OR9Q1: variants seen among roughly 807,000 people sequenced by gnomAD.
OR9Q1 encodes the protein olfactory receptor 9Q1.
For synonymous variants in OR9Q1, 153 were observed against 148.6 expected, an observed-to-expected ratio of 1.03 and a Z score of -0.22; for missense variants, 374 against 378.8, an observed-to-expected ratio of 0.99 and a Z score of 0.11.
At chr11:58,120,802 C>CTATATATATA (rs1216448405) in intron 2 of OR9Q1, among the ~76,000 whole-genome samples, 1 of 72,950 alleles carries the variant, frequency 1.4e-5, no homozygotes, top group Non-Finnish European at 2.6e-5. Flanking sequence ...TATTTCAATA[C>CTATATATATA]CATATATATA....
chr11:58,160,435 ATATT>A (rs1565093581), intron 2 of OR9Q1, among the ~76,000 whole-genome samples: 2 of 121,510 alleles, frequency 1.6e-5, no homozygotes, highest in East Asian at 5.4e-4. Flanking sequence ...AATGAGTAGA[ATATT>A]TGTTGTTGTT....
chr11:58,025,510 T>A (rs1852964632), intron 1 of OR9Q1, among the ~76,000 whole-genome samples: 1 of 152,196 alleles, frequency 6.6e-6, no homozygotes, highest in Non-Finnish European at 1.5e-5. Context: ...CCTTTCTCCC[T>A]TTTTGGAGAG....
chr11:58,097,741 T>C (rs1853745292), intron 2 of OR9Q1, among the ~76,000 whole-genome samples: 1 of 152,228 alleles, frequency 6.6e-6, no homozygotes, highest in Non-Finnish European at 1.5e-5. Flanking sequence ...GTAAACACAT[T>C]CTGGTATATC....
chr11:58,163,671 G>A (rs1255318894), intron 2 of OR9Q1, among the ~76,000 whole-genome samples: 1 of 152,206 alleles, frequency 6.6e-6, no homozygotes, highest in Non-Finnish European at 1.5e-5. Context: ...ATTCCAGGGA[G>A]GGCAAACTAG....
chr11:58,154,715 C>A (rs1339831799), intron 2 of OR9Q1, among the ~76,000 whole-genome samples: 1 of 152,016 alleles, frequency 6.6e-6, no homozygotes, highest in Admixed American at 6.5e-5. Flanking sequence ...TCACATGTAC[C>A]CCATTAATGT....
At chr11:58,167,280 C>T (rs754685476) in intron 2 of OR9Q1, among the ~76,000 whole-genome samples, 9 of 152,076 alleles carry the variant, frequency 5.9e-5, no homozygotes, top group Non-Finnish European at 1.0e-4. Flanking sequence ...TCTATATTTA[C>T]TCGAGTTTGT....
At chr11:58,074,211 T>C (rs1172782649) in intron 2 of OR9Q1, among the ~76,000 whole-genome samples, 4 of 152,204 alleles carry the variant, frequency 2.6e-5, no homozygotes, top group Non-Finnish European at 5.9e-5. Flanking sequence ...AGTCAAATGG[T>C]ATTTCTAGTT....
intron 2 of OR9Q1, among the ~76,000 whole-genome samples, chr11:58,138,093 C>T (rs766334615): frequency 9.9e-5 from 15 of 152,136 alleles, no homozygotes; most frequent in Non-Finnish European, 1.5e-4. Context: ...TTCCAGCCTT[C>T]GTATCACATG....
intron 2 of OR9Q1, among the ~76,000 whole-genome samples, chr11:58,135,742 T>A (rs1306386279): frequency 6.6e-6 from 1 of 152,238 alleles, no homozygotes. Context: ...TCCCCATTTT[T>A]AAATAACTTT....
intron 2 of OR9Q1, among the ~76,000 whole-genome samples, chr11:58,111,892 GT>G (rs1723919874): frequency 6.8e-6 from 1 of 146,904 alleles, no homozygotes; most frequent in African/African-American, 2.5e-5. Context: ...TTTGGGGGGG[GT>G]GGGCATGGAA....
chr11:58,031,461 T>A (rs761817538), intron 1 of OR9Q1: 2 of 1,614,194 alleles, frequency 1.2e-6, no homozygotes, highest in Non-Finnish European at 1.7e-6. Context: ...TTGTCTCAGC[T>A]AACATTTTAT....
intron 2 of OR9Q1, among the ~76,000 whole-genome samples, chr11:58,143,715 C>CG (rs751829320): frequency 1.5e-4 from 22 of 151,540 alleles, no homozygotes; most frequent in Admixed American, 3.3e-4. Flanking sequence ...GGGCTGTAGG[C>CG]GGGGGGGTGG....
intron 2 of OR9Q1, among the ~76,000 whole-genome samples, chr11:58,131,617 C>G (rs1854142303): frequency 6.6e-6 from 1 of 151,898 alleles, no homozygotes; most frequent in African/African-American, 2.4e-5. Context: ...TCTGACTACC[C>G]TTGAGTTTGT....
At chr11:58,099,327 T>C (rs1404760330) in intron 2 of OR9Q1, among the ~76,000 whole-genome samples, 1 of 148,550 alleles carries the variant, frequency 6.7e-6, no homozygotes, top group East Asian at 1.9e-4. Context: ...ATATAAAACA[T>C]ATAACATAAT....
intron 2 of OR9Q1, among the ~76,000 whole-genome samples, chr11:58,113,498 T>G (rs2120114824): frequency 6.6e-6 from 1 of 152,316 alleles, no homozygotes. Context: ...GTACTCTCTC[T>G]TCCTGTAACA....
intron 1 of OR9Q1, among the ~76,000 whole-genome samples, chr11:58,050,208 C>T (rs61904016): frequency 0.38 from 39,606 of 103,800 alleles, 6,757 homozygotes; most frequent in Middle Eastern, 0.49. Flanking sequence ...TACTACAAGG[C>T]TACAGTAACC....
intron 2 of OR9Q1, among the ~76,000 whole-genome samples, chr11:58,147,338 A>C (rs997131095): frequency 1.3e-5 from 2 of 152,150 alleles, no homozygotes; most frequent in Non-Finnish European, 2.9e-5. Flanking sequence ...AATGATCATC[A>C]ACTACTCCTT....
intron 2 of OR9Q1, among the ~76,000 whole-genome samples, chr11:58,136,770 A>G (rs1337497506): frequency 6.6e-6 from 1 of 152,184 alleles, no homozygotes; most frequent in East Asian, 1.9e-4. Context: ...GAAGGATCAC[A>G]TTAATGTGTA....
chr11:58,148,902 T>G (rs1854324417), intron 2 of OR9Q1, among the ~76,000 whole-genome samples: 1 of 152,192 alleles, frequency 6.6e-6, no homozygotes, highest in Admixed American at 6.5e-5. Flanking sequence ...TCATGGACAT[T>G]ATACAATTCG....
Sources: allele counts gnomAD v4.1 joint callset (sites outside exome capture counted in the v4.1 genomes callset), GRCh38; gene constraint gnomAD v4.1.1; transcripts MANE v1.5; gene names NCBI Gene and HGNC (gene_info 2026-07-23, HGNC 2026-07-21).